Variants in FAM13B observed in about 807,000 individuals in gnomAD.
FAM13B encodes family with sequence similarity 13 member B, also known as protein FAM13B.
In FAM13B, 60 loss-of-function variants were observed where a neutral mutation model predicts 117.3. That is an observed-to-expected ratio of 0.51 (90% CI 0.42 to 0.63). The LOEUF (loss-of-function observed/expected upper bound fraction) is 0.63. Ranked by LOEUF, FAM13B falls within the 30% of genes least tolerant of loss-of-function variation. FAM13B has a pLI of 0.00. For missense variants in FAM13B, 972 were observed against 1,091.9 expected (o/e 0.89, Z 1.55); for synonymous variants, 332 against 356.1 (o/e 0.93, Z 0.76).
At position 137,942,940 on chromosome 5, in the gene FAM13B, A is replaced by G. The variant is rs769939133; in HGVS notation, c.2523T>C (p.Asp841=). 1.9e-6 allele frequency: 3 copies of G among 1,613,766 alleles called. No homozygotes were observed. Among genetic ancestry groups the G allele is most frequent in the African/African-American group, 2.7e-5 (2 of 75,034 alleles). Residue 841 remains aspartate, a synonymous_variant, in exon 22 of 24, where the codon GAT becomes GAC. Coordinates refer to ENST00000689681, the MANE Select transcript of FAM13B (RefSeq NM_001385994.1). ...CCAGTTTTTCTTGATTTTCTTCAAC[A>G]TCAGATTCAGAGTTTTCTAATGAAG... is the stretch of plus-strand genomic sequence containing the variant. The part of the protein sequence containing the change: ...VQSSLENSES[D]VEENQEKLAL...
intron 1 of FAM13B, among the ~76,000 whole-genome samples, chr5:138,040,875 C>T (rs534409617): frequency 2.0e-5 from 3 of 151,768 alleles, no homozygotes; most frequent in Non-Finnish European, 4.4e-5. Flanking sequence ...ACCAGCCTGA[C>T]CAACATGGCA....
intron 9 of FAM13B, among the ~76,000 whole-genome samples, chr5:137,986,710 A>G (rs1777333390): frequency 1.3e-5 from 2 of 152,244 alleles, no homozygotes; most frequent in Non-Finnish European, 2.9e-5. Context: ...AGATTTTGGA[A>G]TATTTGCCAG....
At chr5:137,965,954 TAC>T (rs1423902308) in intron 10 of FAM13B, among the ~76,000 whole-genome samples, 3 of 151,086 alleles carry the variant, frequency 2.0e-5, no homozygotes, top group Non-Finnish European at 3.0e-5. Flanking sequence ...TTCAACTTCA[TAC>T]ACTTTTTTTT....
chr5:137,990,390 A>G (rs754194520), intron 7 of FAM13B, among the ~76,000 whole-genome samples: 3 of 152,206 alleles, frequency 2.0e-5, no homozygotes, highest in Non-Finnish European at 2.9e-5. Flanking sequence ...CAAATCCTGA[A>G]GAAGCTCTCT....
intron 14 of FAM13B, among the ~76,000 whole-genome samples, chr5:137,955,013 C>G (rs1766104277): frequency 6.6e-6 from 1 of 152,138 alleles, no homozygotes; most frequent in African/African-American, 2.4e-5. Context: ...CAATTTAATT[C>G]TAAAGATGTT....
At chr5:137,942,822 G>A (rs1561724872) in intron 22 of FAM13B, 53 bp downstream of exon 22, 2 of 1,486,442 alleles carry the variant, frequency 1.3e-6, no homozygotes, top group South Asian at 1.3e-5. Flanking sequence ...AAATTTCTTG[G>A]CATATACATT....
At chr5:137,944,055 T>C (rs1003223500) in intron 20 of FAM13B, among the ~76,000 whole-genome samples, 2 of 152,210 alleles carry the variant, frequency 1.3e-5, no homozygotes, top group African/African-American at 4.8e-5. Flanking sequence ...TGGTAACCAC[T>C]AATCTAAATT....
chr5:138,003,654 A>G (rs1467535785), intron 7 of FAM13B, among the ~76,000 whole-genome samples: 4 of 152,170 alleles, frequency 2.6e-5, no homozygotes, highest in Non-Finnish European at 5.9e-5. Context: ...CCTCAGAGAC[A>G]CATAAATCAC....
At chr5:138,039,652 C>A (rs1791417542) in intron 1 of FAM13B, 1 of 150,442 alleles carries the variant, frequency 6.6e-6, no homozygotes, top group African/African-American at 2.5e-5. Context: ...CCCAGGGTGG[C>A]CTCTAACTCC....
At chr5:137,960,778 AC>A (rs1767913616) in intron 11 of FAM13B, among the ~76,000 whole-genome samples, 1 of 152,170 alleles carries the variant, frequency 6.6e-6, no homozygotes, top group Admixed American at 6.5e-5. Context: ...ATTTCAGTCC[AC>A]CTTTTACTTC....
At chr5:137,943,862 ATAACTT>A (rs1223676886) in intron 20 of FAM13B, among the ~76,000 whole-genome samples, 10 of 152,218 alleles carry the variant, frequency 6.6e-5, no homozygotes, top group African/African-American at 2.4e-4. Flanking sequence ...TTTTTTAAAA[ATAACTT>A]TATTAAGATA....
chr5:137,963,521 C>T (rs1768764622), intron 10 of FAM13B, among the ~76,000 whole-genome samples: 2 of 152,178 alleles, frequency 1.3e-5, no homozygotes, highest in Non-Finnish European at 2.9e-5. Context: ...CCTATGTAAA[C>T]AAAAGCTCTT....
intron 1 of FAM13B, among the ~76,000 whole-genome samples, chr5:138,038,336 T>TA (rs1249657487): frequency 6.6e-6 from 1 of 152,148 alleles, no homozygotes; most frequent in East Asian, 1.9e-4. Flanking sequence ...TGACTGTAAA[T>TA]ACAGATAGGA....
chr5:137,957,394 G>T (rs1437757524), intron 13 of FAM13B, among the ~76,000 whole-genome samples: 2 of 151,976 alleles, frequency 1.3e-5, no homozygotes, highest in African/African-American at 4.8e-5. Flanking sequence ...TACAAAATTA[G>T]CCGGGTGTAG....
In FAM13B at chr5:137,987,529, T is replaced by C. The variant is rs369790141; in HGVS notation, c.978A>G (p.Gln326=). The C allele has an allele frequency of 3.6e-5, 58 of 1,613,458 alleles. No homozygotes were observed. The Admixed American group carries it at 5.0e-4, about 14-fold the overall frequency. ...CATTATTACACACCACACTTTGCTG[T>C]TGTAAATTCTTAAGATCATGATCTA... The part of the protein sequence containing the change: ...SSIDHDLKNL[Q]QQSVVCNNEA... Residue 326 remains glutamine, a synonymous_variant, in exon 9 of 24, where the codon CAA becomes CAG. Coordinates refer to ENST00000689681, the MANE Select transcript of FAM13B (RefSeq NM_001385994.1).
rs1785802704 is a variant in FAM13B, at chr5:138,018,498, T to C, written c.174A>G (p.Gln58=). 6 of 1,614,004 alleles carry C rather than the reference T, an allele frequency of 3.7e-6. No individual in the cohort carries two copies. In the Admixed American group the frequency reaches 8.3e-5, roughly 22 times the overall value. ...YIEEHGGLEQ[Q]GLFQVNGNAE... ...CATTTCCATTGACTTGAAAAAGTCCTTGTTGCTCCAGACCTCCTACGTTAG... is the reference window on the plus strand; with the variant it reads ...CATTTCCATTGACTTGAAAAAGTCCCTGTTGCTCCAGACCTCCTACGTTAG... The change falls in exon 4 of 24, where the codon CAA becomes CAG. Residue 58 remains glutamine, a synonymous_variant. Coordinates refer to ENST00000689681, the MANE Select transcript of FAM13B (RefSeq NM_001385994.1).
intron 7 of FAM13B, among the ~76,000 whole-genome samples, chr5:137,990,702 C>A (rs758543946): frequency 3.9e-5 from 6 of 152,000 alleles, no homozygotes; most frequent in Non-Finnish European, 8.8e-5. Flanking sequence ...TGCCTCAAGT[C>A]CCAGCTACTC....
Position 138,018,376 on chromosome 5 carries a change from C to A in FAM13B, c.296G>T (p.Arg99Ile), listed in dbSNP as rs777133021. Reference sequence around the variant, plus strand: ...TTCAGGAAGTTCTTGAAGAAAAAATCTAAGAAGGCTAATAGCTGAGGGAAC... The same window carrying A: ...TTCAGGAAGTTCTTGAAGAAAAAATATAAGAAGGCTAATAGCTGAGGGAAC... Reference protein sequence around the residue: ...ADVPSAISLLRFFLQELPEPV... With the variant: ...ADVPSAISLLIFFLQELPEPV... Residue 99 changes from arginine (R) to isoleucine (I), a missense_variant, in exon 4 of 24, where the codon AGA (arginine) becomes ATA (isoleucine). Transcript: ENST00000689681. 6.2e-7 allele frequency: 1 copy of A among 1,614,152 alleles called. No homozygotes were observed. Among genetic ancestry groups the A allele is most frequent in the East Asian group, 2.2e-5 (1 of 44,878 alleles).
chr5:138,029,705 C>T (rs1163803523), intron 1 of FAM13B, among the ~76,000 whole-genome samples: 1 of 152,232 alleles, frequency 6.6e-6, no homozygotes, highest in Non-Finnish European at 1.5e-5. Context: ...TATTCAGCAC[C>T]TACTATGTCA....
Sources: allele counts gnomAD v4.1 joint callset (sites outside exome capture counted in the v4.1 genomes callset), GRCh38; gene constraint gnomAD v4.1.1; transcripts MANE v1.5; gene names NCBI Gene and HGNC (gene_info 2026-07-23, HGNC 2026-07-21).